The following MIDN variants were observed in gnomAD, a reference collection of about 807,000 sequenced individuals.
MIDN encodes midbrain nucleolar protein.
In MIDN, 26 loss-of-function variants were observed where a neutral mutation model predicts 46.1. That is an observed-to-expected ratio of 0.56 (90% CI 0.41 to 0.78). The LOEUF is 0.78. Ranked by LOEUF, MIDN falls within the 30% of genes least tolerant of loss-of-function variation. The pLI, the probability that MIDN is intolerant of heterozygous loss-of-function variation, is 0.00. For synonymous variants in MIDN, 432 were observed against 343.3 expected, an observed-to-expected ratio of 1.26 and a Z score of -2.86; for missense variants, 850 against 771.8, an observed-to-expected ratio of 1.10 and a Z score of -1.20.
At chr19:1,254,736 G>T (rs181502390) in intron 6 of MIDN, among the ~76,000 whole-genome samples, 166 bp from the exon 7 acceptor site, 62 of 152,182 alleles carry the variant, frequency 4.1e-4, no homozygotes, top group African/African-American at 1.5e-3. Context: ...GGTCATCTCT[G>T]TGTCCTGGGT....
At chr19:1,252,722 C>G (rs1449508201) in intron 4 of MIDN, among the ~76,000 whole-genome samples, 1 of 152,156 alleles carries the variant, frequency 6.6e-6, no homozygotes, top group African/African-American at 2.4e-5. Context: ...CTTCCCGGGC[C>G]TCCCTGGCCC....
intron 7 of MIDN, 69 bp from the exon 8 acceptor site, chr19:1,255,350 ACCC>A: frequency 6.7e-7 from 1 of 1,482,296 alleles, no homozygotes; most frequent in Non-Finnish European, 9.0e-7. Flanking sequence ...ATGAGCTCAC[ACCC>A]GTGGACGCCC....
chr19:1,254,480 T>C lies in MIDN; in HGVS notation c.825+2T>C. ...GCAGCCTCCACCACCTGCCCGGAGG[T>C]GAGCCTGGGGAAGGGAAGGGTGACC... On this transcript the variant is annotated splice_donor_variant, in intron 6 of 8. Coordinates refer to ENST00000682408, the MANE Select transcript of MIDN (RefSeq NM_001388306.1). LOFTEE classifies it high-confidence loss of function. 6.5e-7 allele frequency: 1 copy of C among 1,549,308 alleles called. No individual in the cohort carries two copies. Among genetic ancestry groups the C allele is most frequent in the Non-Finnish European group, 8.7e-7 (1 of 1,154,062 alleles).
At chr19:1,249,717 G>T (rs920973279) in intron 1 of MIDN, among the ~76,000 whole-genome samples, 173 bp from the exon 2 acceptor site, 3 of 149,272 alleles carry the variant, frequency 2.0e-5, no homozygotes, top group African/African-American at 7.3e-5. Context: ...CACGTGGGGC[G>T]GTGCCGCGGC....
At chr19:1,253,086 C>T (rs961907090) in intron 4 of MIDN, among the ~76,000 whole-genome samples, 2 of 151,676 alleles carry the variant, frequency 1.3e-5, no homozygotes, top group Non-Finnish European at 2.9e-5. Flanking sequence ...CCCAGGGTTG[C>T]TTCCCTGCCT....
intron 8 of MIDN, among the ~76,000 whole-genome samples, chr19:1,256,371 T>C (rs1487947475): frequency 6.6e-6 from 1 of 151,294 alleles, no homozygotes; most frequent in Non-Finnish European, 1.5e-5. Flanking sequence ...TAGTCCCAGC[T>C]ACTCGGGAGG....
intron 4 of MIDN, 194 bp from the exon 5 acceptor site, chr19:1,253,760 G>A: frequency 3.4e-6 from 1 of 290,060 alleles, no homozygotes. Context: ...GCCTGAGGTG[G>A]AGCCCCTCCC....
At chr19:1,252,946 C>T (rs1223142741) in intron 4 of MIDN, among the ~76,000 whole-genome samples, 9 of 147,866 alleles carry the variant, frequency 6.1e-5, no homozygotes, top group African/African-American at 7.5e-5. Context: ...AGCTCCCCGC[C>T]GCTGGGGGGC....
intron 2 of MIDN, chr19:1,251,338 G>A (rs988807444): frequency 5.5e-6 from 3 of 545,744 alleles, no homozygotes; most frequent in Admixed American, 7.3e-5. Flanking sequence ...CAGGGCGGGG[G>A]TTCCACTGGA....
At position 1,257,515 on chromosome 19, in the gene MIDN, T is replaced by TC. The variant is rs1466367408; in HGVS notation, c.*244dup. 1.6e-5 allele frequency: 7 copies of TC among 448,990 alleles called. No individual in the cohort carries two copies. Among genetic ancestry groups the TC allele is most frequent in the Admixed American group, 4.6e-5 (1 of 21,602 alleles). The allele number at this position is 448,990 out of a possible 1,614,324, so 27.8% of individuals were successfully genotyped here. On this transcript the variant is annotated 3_prime_UTR_variant, in exon 9 of 9. Transcript: ENST00000682408. ...CCTTCACCCTTCACTCCTGCCCTCC[T>TC]CTTCCTCCTCCTCCTCCTCCTCCGT... is the stretch of plus-strand genomic sequence containing the variant.
At chr19:1,249,133 G>A (rs1207158404) in intron 1 of MIDN, among the ~76,000 whole-genome samples, 1 of 150,660 alleles carries the variant, frequency 6.6e-6, no homozygotes, top group Non-Finnish European at 1.5e-5. Flanking sequence ...GGCGCAGCCG[G>A]GGACGCCGCG....
intron 4 of MIDN, 192 bp from the exon 5 acceptor site, chr19:1,253,762 G>A: frequency 3.4e-6 from 1 of 296,090 alleles, no homozygotes; most frequent in Non-Finnish European, 6.1e-6. Context: ...CTGAGGTGGA[G>A]CCCCTCCCGT....
In MIDN at chr19:1,254,490, G is replaced by C. The variant is rs762984795; in HGVS notation, c.825+12G>C. ...CCACCTGCCCGGAGGTGAGCCTGGG[G>C]AAGGGAAGGGTGACCCTTGGTTGGA... On this transcript the variant is annotated intron_variant, in intron 6 of 8. Transcript: ENST00000682408. 18 of 1,543,430 alleles carry C rather than the reference G, an allele frequency of 1.2e-5. No homozygotes were observed. Among genetic ancestry groups the C allele is most frequent in the Non-Finnish European group, 1.6e-5 (18 of 1,150,768 alleles).
In MIDN at chr19:1,254,374, G is replaced by T; in HGVS notation, c.721G>T (p.Ala241Ser). The T allele has an allele frequency of 6.4e-7, 1 of 1,561,610 alleles. No individual in the cohort carries two copies. Among genetic ancestry groups the T allele is most frequent in the Admixed American group, 1.8e-5 (1 of 55,312 alleles). Reference protein sequence around the residue: ...VSSPCRPVSSAARVPPVPTSP... With the variant: ...VSSPCRPVSSSARVPPVPTSP... ...CTCGCCCTGCCGGCCGGTGTCCAGT[G>T]CCGCCCGAGTCCCCCCGGTGCCCAC... is the stretch of plus-strand genomic sequence containing the variant. Residue 241 changes from alanine (A) to serine (S), a missense_variant, in exon 6 of 9, where the codon GCC becomes TCC. Transcript: ENST00000682408.
intron 4 of MIDN, among the ~76,000 whole-genome samples, chr19:1,252,618 C>T (rs1250879123): frequency 2.0e-5 from 3 of 152,088 alleles, no homozygotes; most frequent in Non-Finnish European, 2.9e-5. Context: ...AGGGCCCTGG[C>T]CACCTCCCAG....
rs1196722593 is a variant in MIDN, at chr19:1,258,468, T to C, written c.*1196T>C. On this transcript the variant is annotated 3_prime_UTR_variant, in exon 9 of 9. Transcript: ENST00000682408. ...CTCCAGAGGGGAGGGACAAATCCCC[T>C]ACTGGGGCCATTTCAATGGGGTAGT... 6.6e-6 allele frequency: 1 copy of C among 152,528 alleles called. No individual in the cohort carries two copies. The highest frequency in any genetic ancestry group is 2.4e-5 in the African/African-American group (1 of 41,456). 9.4% of individuals were successfully genotyped at this position (152,528 alleles called of 1,614,324 possible).
intron 4 of MIDN, chr19:1,253,690 A>C (rs149732410): frequency 9.3e-4 from 209 of 224,092 alleles, no homozygotes; most frequent in African/African-American, 4.9e-3. Flanking sequence ...AGGTTAGGAC[A>C]GAAGAATTCG....
In MIDN at chr19:1,251,875, G is replaced by A. The variant is rs1363023611; in HGVS notation, c.358G>A (p.Ala120Thr). 7 of 1,613,498 alleles carry A rather than the reference G, an allele frequency of 4.3e-6. No individual in the cohort carries two copies. The highest frequency in any genetic ancestry group is 5.1e-6 in the Non-Finnish European group (6 of 1,179,794). The change falls in exon 4 of 9, where the codon GCT becomes ACT. Residue 120 changes from alanine (A) to threonine (T), a missense_variant. Ala to Thr is a moderately conservative substitution (Grantham distance 58). Transcript: ENST00000682408. ...AAGGCCGGAACAGTCCGTGATGCAA[G>A]CTCTCGAGAGTCTCACGGAGACGCA... is the stretch of plus-strand genomic sequence containing the variant. The part of the protein sequence containing the change: ...ASRPEQSVMQ[A>T]LESLTETQPP...
rs375205066 is a variant in MIDN, at chr19:1,251,880, C to A, written c.363C>A (p.Leu121=). 6.8e-6 allele frequency: 11 copies of A among 1,613,410 alleles called. No individual in the cohort carries two copies. The highest frequency in any genetic ancestry group is 2.2e-5 in the South Asian group (2 of 91,074). Residue 121 remains leucine, a synonymous_variant, in exon 4 of 9, where the codon CTC becomes CTA. Coordinates refer to ENST00000682408, the MANE Select transcript of MIDN (RefSeq NM_001388306.1). ...SRPEQSVMQA[L]ESLTETQPPA... is the part of the protein sequence containing the mutation. ...CGGAACAGTCCGTGATGCAAGCTCT[C>A]GAGAGTCTCACGGAGACGCAGGTAA...
Sources: gnomAD v4.1 joint callset for allele counts (sites outside exome capture counted in the v4.1 genomes callset) on GRCh38, gnomAD v4.1.1 for gene constraint, MANE v1.5 for transcripts, NCBI Gene and HGNC (gene_info 2026-07-23, HGNC 2026-07-21) for gene names.